The following S100Z variants were observed in gnomAD, a reference collection of about 807,000 sequenced individuals.
The protein encoded by S100Z is protein S100-Z.
S100Z carries 11 observed loss-of-function variants against 8.5 expected under a neutral mutation model. The ratio of observed to expected loss-of-function variants is 1.30; its 90% CI spans 0.82 to 2.15. S100Z has a LOEUF of 2.15. S100Z is among the 30% of genes most tolerant of loss of function. The pLI is 0.00. For missense variants in S100Z, 126 were observed against 117.9 expected (o/e 1.07, Z -0.32); for synonymous variants, 34 against 43.8 (o/e 0.78, Z 0.89).
chr5:76,952,246 G>C, the S100Z span, among the ~76,000 whole-genome samples: 29 of 152,174 alleles, frequency 1.9e-4, no homozygotes, highest in Non-Finnish European at 4.1e-4. Flanking sequence ...AAGTAATCCA[G>C]GTATTTGAAG....
At chr5:76,920,365 T>C (rs776361260) in intron 4 of S100Z, among the ~76,000 whole-genome samples, 1 of 152,270 alleles carries the variant, frequency 6.6e-6, no homozygotes, top group Non-Finnish European at 1.5e-5. Flanking sequence ...TGGCCATTTA[T>C]GGCTCTTTTT....
chr5:76,910,728 C>T (rs1210438243), intron 4 of S100Z, among the ~76,000 whole-genome samples: 3 of 152,168 alleles, frequency 2.0e-5, no homozygotes, highest in African/African-American at 7.2e-5. Context: ...ATCACCCTCA[C>T]TGAGCCCTGG....
intron 4 of S100Z, among the ~76,000 whole-genome samples, chr5:76,879,993 G>C (rs113830144): frequency 6.6e-6 from 1 of 152,178 alleles, no homozygotes; most frequent in East Asian, 1.9e-4. Flanking sequence ...GGCTGAGTCC[G>C]AAAAGAGAGT....
the S100Z span, among the ~76,000 whole-genome samples, chr5:76,940,089 G>A: frequency 8.0e-5 from 12 of 150,806 alleles, no homozygotes; most frequent in South Asian, 8.4e-4. Flanking sequence ...CCCAGAAGGC[G>A]GAGGTTGCAG....
chr5:76,868,703 A>T (rs1742883342), intron 1 of S100Z, among the ~76,000 whole-genome samples: 1 of 147,878 alleles, frequency 6.8e-6, no homozygotes, highest in Non-Finnish European at 1.5e-5. Flanking sequence ...GGCTCACGGT[A>T]ACCTCTGTCT....
intron 3 of S100Z, 45 bp downstream of exon 3, chr5:76,875,545 G>C (rs781443835): frequency 4.5e-6 from 7 of 1,547,592 alleles, no homozygotes; most frequent in Non-Finnish European, 6.1e-6. Flanking sequence ...GAGGGTAGAT[G>C]AGGTGCAGAT....
At chr5:76,932,375 A>G in the S100Z span, among the ~76,000 whole-genome samples, 1 of 152,280 alleles carries the variant, frequency 6.6e-6, no homozygotes, top group Non-Finnish European at 1.5e-5. Context: ...TTTTTGAGAC[A>G]GGGTCTCTCA....
intron 1 of S100Z, among the ~76,000 whole-genome samples, chr5:76,853,154 A>G (rs1750779627): frequency 6.6e-6 from 1 of 152,216 alleles, no homozygotes; most frequent in Admixed American, 6.5e-5. Flanking sequence ...CTAATTTTCT[A>G]CTGATCTGGC....
At chr5:76,880,017 C>A (rs755090811) in intron 4 of S100Z, among the ~76,000 whole-genome samples, 1 of 152,016 alleles carries the variant, frequency 6.6e-6, no homozygotes, top group Non-Finnish European at 1.5e-5. Flanking sequence ...CAAAGGGTGG[C>A]GGATTATCAT....
chr5:76,894,367 T>C (rs1290041854), intron 4 of S100Z, among the ~76,000 whole-genome samples: 2 of 152,200 alleles, frequency 1.3e-5, no homozygotes, highest in African/African-American at 4.8e-5. Context: ...CTGCACCACC[T>C]TGGGCACATG....
At chr5:76,873,734 T>C (rs906064020) in intron 2 of S100Z, among the ~76,000 whole-genome samples, 1 of 152,174 alleles carries the variant, frequency 6.6e-6, no homozygotes, top group African/African-American at 2.4e-5. Flanking sequence ...GACTACTTTG[T>C]TGAAGGGAAA....
chr5:76,905,992 C>A (rs1327775402), intron 4 of S100Z, among the ~76,000 whole-genome samples: 1 of 152,048 alleles, frequency 6.6e-6, no homozygotes, highest in East Asian at 1.9e-4. Flanking sequence ...CCACACCCAG[C>A]TAATTTTTTG....
At chr5:76,951,300 C>T in the S100Z span, among the ~76,000 whole-genome samples, 5 of 152,148 alleles carry the variant, frequency 3.3e-5, no homozygotes, top group African/African-American at 9.7e-5. Context: ...TGTCTGTGCA[C>T]GTGCATGCGT....
At position 76,855,695 on chromosome 5, in the gene S100Z, TG is replaced by T. The variant is rs1470383348; in HGVS notation, c.-176+5541del. ...TAGAAGGGAGTTGCCTTGTCTCAGATGAGATTTTGGACTTTGGACTTTGGAC... is the reference window on the plus strand; with the variant it reads ...TAGAAGGGAGTTGCCTTGTCTCAGATAGATTTTGGACTTTGGACTTTGGAC... On this transcript the variant is annotated intron_variant, in intron 1 of 4. Transcript: ENST00000317593. Among the ~76,000 whole-genome samples the T allele has an allele frequency of 5.9e-5, 9 of 152,116 alleles. No homozygotes were observed. The East Asian group carries it at 1.5e-3, about 26-fold the overall frequency.
At chr5:76,912,568 A>T (rs963449339) in intron 4 of S100Z, among the ~76,000 whole-genome samples, 2 of 152,254 alleles carry the variant, frequency 1.3e-5, no homozygotes, top group Non-Finnish European at 2.9e-5. Context: ...AGAGGAAAAA[A>T]AAATAAATGT....
intron 4 of S100Z, among the ~76,000 whole-genome samples, chr5:76,911,789 A>G (rs1463114597): frequency 6.6e-6 from 1 of 152,220 alleles, no homozygotes; most frequent in African/African-American, 2.4e-5. Context: ...AGCCAGAGGT[A>G]CCAGGGCCCT....
intron 4 of S100Z, among the ~76,000 whole-genome samples, chr5:76,889,227 T>C (rs1000054257): frequency 3.3e-5 from 5 of 152,196 alleles, no homozygotes; most frequent in Non-Finnish European, 7.3e-5. Flanking sequence ...TTCTTGCCCC[T>C]TCTTGCCTAT....
At chr5:76,867,359 G>C (rs762493779) in intron 1 of S100Z, among the ~76,000 whole-genome samples, 1 of 152,150 alleles carries the variant, frequency 6.6e-6, no homozygotes, top group African/African-American at 2.4e-5. Flanking sequence ...TTAGCCTCCT[G>C]TATGACTGTA....
At chr5:76,927,584 T>A in the S100Z span, among the ~76,000 whole-genome samples, 2 of 152,204 alleles carry the variant, frequency 1.3e-5, no homozygotes, top group East Asian at 1.9e-4. Context: ...TGGGAGAAGT[T>A]AAAGACCCTT....
Sources: gnomAD v4.1 joint callset for allele counts (sites outside exome capture counted in the v4.1 genomes callset) on GRCh38, gnomAD v4.1.1 for gene constraint, MANE v1.5 for transcripts, NCBI Gene and HGNC (gene_info 2026-07-23, HGNC 2026-07-21) for gene names.